Variants in MAT1A observed in about 807,000 individuals in gnomAD.
MAT1A encodes S-adenosylmethionine synthase isoform type-1.
MAT1A carries 19 observed loss-of-function variants against 44.0 expected under a neutral mutation model. The observed-to-expected ratio is 0.43, with a 90% confidence interval of 0.30 to 0.63. MAT1A has a LOEUF of 0.63. Ranked by LOEUF, MAT1A falls within the 30% of genes least tolerant of loss-of-function variation. The pLI is 0.12. For synonymous variants in MAT1A, 205 were observed against 205.6 expected (o/e 1.00, Z 0.03); for missense variants, 397 against 531.0 (o/e 0.75, Z 2.48).
Position 80,276,592 on chromosome 10 carries a change from C to T in MAT1A, c.552G>A (p.Val184=), listed in dbSNP as rs1841489143. The change falls in exon 6 of 9, where the codon GTG becomes GTA. Residue 184 remains valine, a splice_region_variant and synonymous_variant. Transcript: ENST00000372213. ...CATTGTCCTGCATGTACTGAACTGTCACCTGTCCATCAGAAGGGTGGGGGA... is the reference window on the plus strand; with the variant it reads ...CATTGTCCTGCATGTACTGAACTGTTACCTGTCCATCAGAAGGGTGGGGGA... ...PWLRPDSKTQ[V]TVQYMQDNGA... The T allele has an allele frequency of 6.2e-7, 1 of 1,610,700 alleles. No homozygotes were observed. The highest frequency in any genetic ancestry group is 8.5e-7 in the Non-Finnish European group (1 of 1,179,998).
rs780757584 is a variant in MAT1A, at chr10:80,283,975, T to C, written c.233A>G (p.Asp78Gly). 2 of 1,614,098 alleles carry C rather than the reference T, an allele frequency of 1.2e-6. No homozygotes were observed. Among genetic ancestry groups the C allele is most frequent in the South Asian group, 2.2e-5 (2 of 91,090 alleles). ...GGTGTCCCTCACCACCCGCTGGTAG[T>C]CCACCATGGCCATTGAGGTGATCTC... ...CGEITSMAMV[D>G]YQRVVRDTIK... is the part of the protein sequence containing the mutation. The change falls in exon 3 of 9, where the codon GAC becomes GGC. Residue 78 changes from aspartate to glycine, a missense_variant. Asp to Gly is a moderately conservative substitution (Grantham distance 94, BLOSUM62 -1). Transcript: ENST00000372213.
intron 2 of MAT1A, among the ~76,000 whole-genome samples, chr10:80,285,164 G>T (rs7081756): frequency 0.63 from 95,442 of 151,988 alleles, 31,221 homozygotes; most frequent in African/African-American, 0.72. Flanking sequence ...TCAAGCTCTT[G>T]CATCCCGTCT....
At chr10:80,283,373 C>T (rs141521751) in intron 3 of MAT1A, among the ~76,000 whole-genome samples, 148 of 152,358 alleles carry the variant, frequency 9.7e-4, no homozygotes, top group African/African-American at 3.5e-3. Context: ...CCTGGACCAG[C>T]CTCGCCTGCT....
At position 80,285,598 on chromosome 10, in the gene MAT1A, G is replaced by C. The variant is rs10887721; in HGVS notation, c.92-9C>G. 0.15 allele frequency: 236,101 copies of C among 1,587,578 alleles called. 22,191 individuals carry two copies. Among genetic ancestry groups the C allele is most frequent in the African/African-American group, 0.45 (33,725 of 74,502 alleles). On this transcript the variant is annotated splice_polypyrimidine_tract_variant and intron_variant, in intron 1 of 8. Transcript: ENST00000372213. ...CTGGTCACAGATCTTATCTGGACAA[G>C]AGCAAATATGGGTCAGAATCACAAA...
At chr10:80,288,008 C>T (rs1841669025) in intron 1 of MAT1A, among the ~76,000 whole-genome samples, 1 of 152,174 alleles carries the variant, frequency 6.6e-6, no homozygotes, top group Admixed American at 6.5e-5. Context: ...CAAATGTCTC[C>T]AGACAGTACA....
chr10:80,274,434 T>C lies in MAT1A; in HGVS notation c.1085+86A>G, dbSNP rs566116324. The C allele has an allele frequency of 1.9e-5, 29 of 1,567,536 alleles. No homozygotes were observed. In the Admixed American group the frequency reaches 4.7e-4, roughly 25 times the overall value. On this transcript the variant is annotated intron_variant, in intron 8 of 8. Transcript: ENST00000372213. ...CCACTTCTGAGAGGCAGAAACATCC[T>C]CCTTTCTGCCTCCCTTTCAGGTGAG...
At chr10:80,279,442 A>G (rs968726949) in intron 5 of MAT1A, among the ~76,000 whole-genome samples, 1 of 151,950 alleles carries the variant, frequency 6.6e-6, no homozygotes, top group Non-Finnish European at 1.5e-5. Context: ...GAAGGTGACA[A>G]TGGGGTCCAC....
intron 5 of MAT1A, 134 bp from the exon 6 acceptor site, chr10:80,276,728 G>A (rs12240992): frequency 7.2e-6 from 6 of 827,810 alleles, no homozygotes; most frequent in Middle Eastern, 4.4e-4. Context: ...TTCAAAGGGT[G>A]TTGGGGGAGT....
At chr10:80,278,327 G>A (rs1011414494) in intron 5 of MAT1A, among the ~76,000 whole-genome samples, 1 of 150,250 alleles carries the variant, frequency 6.7e-6, no homozygotes, top group Non-Finnish European at 1.5e-5. Context: ...CAATGAACCT[G>A]TTTCAGCAGG....
At position 80,272,038 on chromosome 10, in the gene MAT1A, C is replaced by T. The variant is rs1841416058; in HGVS notation, c.*1743G>A. ...TCCATGGGAAGGAATCTGAGGCTTC[C>T]TAGGTGACCAGGAGCCGGGCTTCTT... On this transcript the variant is annotated 3_prime_UTR_variant, in exon 9 of 9. Coordinates refer to ENST00000372213, the MANE Select transcript of MAT1A (RefSeq NM_000429.3). The T allele has an allele frequency of 6.6e-6, 1 of 152,100 alleles. No homozygotes were observed. Among genetic ancestry groups the T allele is most frequent in the Non-Finnish European group, 1.5e-5 (1 of 67,992 alleles). The allele number at this position is 152,100 out of a possible 1,614,324, so 9.4% of individuals were successfully genotyped here.
At chr10:80,280,418 G>A (rs917877822) in intron 4 of MAT1A, 102 bp from the exon 5 acceptor site, 12 of 1,434,008 alleles carry the variant, frequency 8.4e-6, no homozygotes, top group Non-Finnish European at 1.1e-5. Flanking sequence ...TTGATTGGGT[G>A]CCTCCTCCAT....
chr10:80,284,562 C>T (rs534068788), intron 2 of MAT1A, among the ~76,000 whole-genome samples: 1 of 152,284 alleles, frequency 6.6e-6, no homozygotes, highest in South Asian at 2.1e-4. Context: ...GTATTCAATA[C>T]AGGGCTGAGG....
rs1000288065 is a variant in MAT1A, at chr10:80,274,997, G to A, written c.951+20C>T. ...GGGTCCTCCACTGCAACAGGACGGT[G>A]GTGGGTGGAGGGGGCTTACCTGGAC... On this transcript the variant is annotated intron_variant, in intron 7 of 8. Coordinates refer to ENST00000372213, the MANE Select transcript of MAT1A (RefSeq NM_000429.3). 1.3e-6 allele frequency: 2 copies of A among 1,549,690 alleles called. No homozygotes were observed. The highest frequency in any genetic ancestry group is 1.4e-5 in the African/African-American group (1 of 72,994).
At chr10:80,283,745 T>A (rs547634774) in intron 3 of MAT1A, among the ~76,000 whole-genome samples, 171 bp downstream of exon 3, 2 of 152,260 alleles carry the variant, frequency 1.3e-5, no homozygotes, top group Non-Finnish European at 2.9e-5. Flanking sequence ...CTGTTGGCCA[T>A]CCTTATGCCA....
intron 1 of MAT1A, among the ~76,000 whole-genome samples, chr10:80,285,993 T>C (rs1031080933): frequency 6.6e-6 from 1 of 151,988 alleles, no homozygotes; most frequent in African/African-American, 2.4e-5. Flanking sequence ...GCCTGGCTAA[T>C]TTGTTTTGTA....
intron 8 of MAT1A, 108 bp downstream of exon 8, chr10:80,274,412 C>A: frequency 6.7e-7 from 1 of 1,502,794 alleles, no homozygotes; most frequent in Non-Finnish European, 9.2e-7. Flanking sequence ...GACCCTCCCA[C>A]TTCTGAGAGG....
At chr10:80,285,132 C>T (rs189590092) in intron 2 of MAT1A, among the ~76,000 whole-genome samples, 7 of 152,260 alleles carry the variant, frequency 4.6e-5, no homozygotes, top group African/African-American at 1.2e-4. Flanking sequence ...AGCTTATAAC[C>T]ATCTAGGCAG....
chr10:80,284,298 T>C (rs1841612640), intron 2 of MAT1A, among the ~76,000 whole-genome samples: 1 of 152,188 alleles, frequency 6.6e-6, no homozygotes, highest in Non-Finnish European at 1.5e-5. Context: ...TAAGTCTCTG[T>C]TCCCTCATCT....
intron 7 of MAT1A, among the ~76,000 whole-genome samples, 163 bp from the exon 8 acceptor site, chr10:80,274,816 A>G (rs1400524702): frequency 6.6e-6 from 1 of 152,136 alleles, no homozygotes; most frequent in Non-Finnish European, 1.5e-5. Flanking sequence ...CAGTTCTTCT[A>G]CACGCCTCTC....
Sources: gnomAD v4.1 joint callset for allele counts (sites outside exome capture counted in the v4.1 genomes callset) on GRCh38, gnomAD v4.1.1 for gene constraint, MANE v1.5 for transcripts, NCBI Gene and HGNC (gene_info 2026-07-23, HGNC 2026-07-21) for gene names.